ITGA1: variants seen among roughly 807,000 people sequenced by gnomAD.
The protein encoded by ITGA1 is integrin alpha-1.
Under a neutral mutation model 145.9 loss-of-function variants are expected in ITGA1, and 85 were observed. The ratio of observed to expected loss-of-function variants is 0.58; its 90% CI spans 0.49 to 0.70. The LOEUF is 0.70. Ranked by LOEUF, ITGA1 falls within the 30% of genes least tolerant of loss-of-function variation. The pLI, the probability that ITGA1 is intolerant of heterozygous loss-of-function variation, is 0.00. For synonymous variants in ITGA1, 520 were observed against 495.3 expected (o/e 1.05, Z -0.66); for missense variants, 1,351 against 1,418.7 (o/e 0.95, Z 0.77).
chr5:52,910,066 T>C, intron 13 of ITGA1, 96 bp from the exon 14 acceptor site: 2 of 1,167,400 alleles, frequency 1.7e-6, no homozygotes, highest in Admixed American at 2.3e-5. Context: ...AATGTACAAA[T>C]GGCTGTTAAT....
At chr5:52,929,270 A>G (rs1183536920) in intron 20 of ITGA1, among the ~76,000 whole-genome samples, 1 of 152,192 alleles carries the variant, frequency 6.6e-6, no homozygotes, top group Non-Finnish European at 1.5e-5. Flanking sequence ...ATTCTGAGTT[A>G]CAAGGGTACT....
chr5:52,907,681 G>A (rs1750433199), intron 12 of ITGA1, among the ~76,000 whole-genome samples: 1 of 152,086 alleles, frequency 6.6e-6, no homozygotes, highest in Non-Finnish European at 1.5e-5. Context: ...TGCCAGTAAA[G>A]TAAAATCAAA....
chr5:52,887,045 A>G lies in ITGA1; in HGVS notation c.774-770A>G, dbSNP rs550823753. On this transcript the variant is annotated intron_variant, in intron 7 of 28. Coordinates refer to ENST00000282588, the MANE Select transcript of ITGA1 (RefSeq NM_181501.2). ...GCCCGCCTCGGCCTCCCTGAAATTCAGGGTTTTTTTGCAGTTAGGTTATAG... is the reference window on the plus strand; with the variant it reads ...GCCCGCCTCGGCCTCCCTGAAATTCGGGGTTTTTTTGCAGTTAGGTTATAG... 2.6e-5 allele frequency among the ~76,000 whole-genome samples: 4 copies of G among 151,222 alleles called. No individual in the cohort carries two copies. In the East Asian group the frequency reaches 7.7e-4, roughly 29 times the overall value.
chr5:52,943,317 G>C (rs1421610330), intron 26 of ITGA1, among the ~76,000 whole-genome samples: 1 of 152,202 alleles, frequency 6.6e-6, no homozygotes, highest in Non-Finnish European at 1.5e-5. Context: ...TTCTTCAACT[G>C]TGGTGTAAGT....
At chr5:52,883,470 A>G (rs988248783) in intron 7 of ITGA1, among the ~76,000 whole-genome samples, 1 of 152,218 alleles carries the variant, frequency 6.6e-6, no homozygotes, top group Admixed American at 6.5e-5. Context: ...AAAATTCTGT[A>G]GTGATAGTAC....
At chr5:52,923,652 T>G (rs1359016743) in intron 18 of ITGA1, among the ~76,000 whole-genome samples, 1 of 152,192 alleles carries the variant, frequency 6.6e-6, no homozygotes, top group Non-Finnish European at 1.5e-5. Context: ...CTTCTAGACT[T>G]TTTCCAATCC....
intron 1 of ITGA1, chr5:52,801,146 T>C: frequency 6.4e-7 from 1 of 1,568,810 alleles, no homozygotes; most frequent in Non-Finnish European, 8.6e-7. Flanking sequence ...CCAGGGATAA[T>C]TAAGAATGGG....
chr5:52,926,982 A>T (rs115189428), intron 19 of ITGA1, among the ~76,000 whole-genome samples: 158 of 152,322 alleles, frequency 1.0e-3, no homozygotes, highest in African/African-American at 3.7e-3. Context: ...AATTGATAAC[A>T]TGTTTATTTA....
chr5:52,886,144 G>C (rs1750042845), intron 7 of ITGA1, among the ~76,000 whole-genome samples: 1 of 152,184 alleles, frequency 6.6e-6, no homozygotes, highest in South Asian at 2.1e-4. Flanking sequence ...CAGTCTAGAA[G>C]AAGATGTAAA....
chr5:52,899,274 T>C (rs1750278536), intron 11 of ITGA1, among the ~76,000 whole-genome samples: 1 of 152,222 alleles, frequency 6.6e-6, no homozygotes, highest in South Asian at 2.1e-4. Context: ...TTTTTCTCTC[T>C]GTCCCAGTTG....
At chr5:52,800,779 T>C (rs200636575) in intron 1 of ITGA1, 3 of 1,614,000 alleles carry the variant, frequency 1.9e-6, no homozygotes, top group East Asian at 4.5e-5. Context: ...CGAGCAGGCC[T>C]GTGACCCAGC....
chr5:52,927,469 A>G, intron 19 of ITGA1, 115 bp from the exon 20 acceptor site: 1 of 658,272 alleles, frequency 1.5e-6, no homozygotes, highest in Non-Finnish European at 2.7e-6. Context: ...AGCTAAATCG[A>G]GACAAAAATA....
chr5:52,813,796 C>T (rs920663414), intron 1 of ITGA1, among the ~76,000 whole-genome samples: 5 of 152,190 alleles, frequency 3.3e-5, no homozygotes, highest in Non-Finnish European at 7.3e-5. Context: ...GTACCTTCCC[C>T]AACCAGGAGG....
intron 15 of ITGA1, 45 bp downstream of exon 15, chr5:52,915,639 T>G (rs1393415381): frequency 6.8e-6 from 11 of 1,606,690 alleles, no homozygotes; most frequent in Non-Finnish European, 9.4e-6. Context: ...CTGGGTCACT[T>G]GCAGAGCTCC....
chr5:52,911,501 AGATACAC>A (rs1282156736), intron 14 of ITGA1, among the ~76,000 whole-genome samples: 4 of 124,848 alleles, frequency 3.2e-5, no homozygotes, highest in Admixed American at 2.8e-4. Context: ...TATATATAGT[AGATACAC>A]TATATATAGT....
At chr5:52,924,377 A>C (rs1041006934) in intron 18 of ITGA1, among the ~76,000 whole-genome samples, 3 of 152,024 alleles carry the variant, frequency 2.0e-5, no homozygotes, top group African/African-American at 7.2e-5. Context: ...CACCCTATTT[A>C]GGGGAGTTTG....
intron 6 of ITGA1, among the ~76,000 whole-genome samples, chr5:52,869,786 A>G (rs1749749237): frequency 6.6e-6 from 1 of 152,134 alleles, no homozygotes; most frequent in South Asian, 2.1e-4. Context: ...TTTTAAGTAT[A>G]TTACTTTATA....
chr5:52,887,868 T>A lies in ITGA1; in HGVS notation c.827T>A (p.Met276Lys). 6.2e-7 allele frequency: 1 copy of A among 1,614,122 alleles called. No individual in the cohort carries two copies. The highest frequency in any genetic ancestry group is 8.5e-7 in the Non-Finnish European group (1 of 1,179,938). The change falls in exon 8 of 29, where the codon ATG becomes AAG. Residue 276 changes from methionine to lysine, a missense_variant. Coordinates refer to ENST00000282588, the MANE Select transcript of ITGA1 (RefSeq NM_181501.2). The stretch of plus-strand genomic sequence containing the variant: ...GCCCGAAGAGGAGTTAAAAAAGTCA[T>A]GGTTATTGTGACAGATGGAGAGTCT... ...RGARRGVKKV[M>K]VIVTDGESHD...
chr5:52,885,235 G>T (rs6882082), intron 7 of ITGA1, among the ~76,000 whole-genome samples: 4,042 of 152,102 alleles, frequency 0.027, 205 homozygotes, highest in African/African-American at 0.094. Flanking sequence ...TTGATCACAG[G>T]CATGATTGAT....
Sources: allele counts gnomAD v4.1 joint callset (sites outside exome capture counted in the v4.1 genomes callset), GRCh38; gene constraint gnomAD v4.1.1; transcripts MANE v1.5; gene names NCBI Gene and HGNC (gene_info 2026-07-23, HGNC 2026-07-21).